The following DGKH variants were observed in gnomAD, a reference collection of about 807,000 sequenced individuals.
The protein encoded by DGKH is DAG kinase eta.
Under a neutral mutation model 159.3 loss-of-function variants are expected in DGKH, and 90 were observed. The ratio of observed to expected loss-of-function variants is 0.57; its 90% CI spans 0.48 to 0.67. The LOEUF is 0.67. Ranked by LOEUF, DGKH falls within the 30% of genes least tolerant of loss-of-function variation. DGKH has a pLI of 0.00. For synonymous variants in DGKH, 536 were observed against 553.8 expected (o/e 0.97, Z 0.45); for missense variants, 1,181 against 1,506.1 (o/e 0.78, Z 3.57).
chr13:42,218,036 A>AATCATC (rs374568018), intron 26 of DGKH, among the ~76,000 whole-genome samples: 5 of 151,838 alleles, frequency 3.3e-5, no homozygotes, highest in Admixed American at 1.3e-4. Flanking sequence ...CTCTGTCTCA[A>AATCATC]ATCATCATCA....
chr13:42,116,592 GC>G (rs1954973386), intron 1 of DGKH, among the ~76,000 whole-genome samples: 1 of 152,152 alleles, frequency 6.6e-6, no homozygotes, highest in Non-Finnish European at 1.5e-5. Flanking sequence ...GATAAATCAG[GC>G]AGTGCCTGAT....
intron 24 of DGKH, among the ~76,000 whole-genome samples, 162 bp from the exon 25 acceptor site, chr13:42,214,345 G>C (rs906220754): frequency 6.6e-6 from 1 of 151,960 alleles, no homozygotes; most frequent in Admixed American, 6.6e-5. Flanking sequence ...TGGATTTATA[G>C]ATCTACCTGT....
At chr13:42,116,499 A>G (rs531571341) in intron 1 of DGKH, among the ~76,000 whole-genome samples, 1 of 152,364 alleles carries the variant, frequency 6.6e-6, no homozygotes, top group South Asian at 2.1e-4. Flanking sequence ...AAAGACATGC[A>G]TCCTCACTGA....
chr13:42,097,441 A>T (rs1288277984), intron 1 of DGKH, among the ~76,000 whole-genome samples: 1 of 152,172 alleles, frequency 6.6e-6, no homozygotes, highest in Non-Finnish European at 1.5e-5. Flanking sequence ...TCACTGTTTA[A>T]TCAAACTAGT....
chr13:42,162,067 C>A (rs923535985), intron 7 of DGKH, among the ~76,000 whole-genome samples: 7 of 152,126 alleles, frequency 4.6e-5, no homozygotes, highest in Admixed American at 3.9e-4. Flanking sequence ...GTGGCAAACT[C>A]AAATTTCACC....
intron 1 of DGKH, among the ~76,000 whole-genome samples, chr13:42,089,461 C>G (rs1954372376): frequency 6.6e-6 from 1 of 152,178 alleles, no homozygotes; most frequent in South Asian, 2.1e-4. Flanking sequence ...TTCTGGAGGT[C>G]TGAAGTCCAG....
chr13:42,253,369 C>G (rs1404549425), intron 30 of DGKH, among the ~76,000 whole-genome samples: 1 of 152,176 alleles, frequency 6.6e-6, no homozygotes, highest in Non-Finnish European at 1.5e-5. Context: ...GAAGCAAAAC[C>G]TCATCAGACA....
chr13:42,237,998 G>A lies in DGKH; in HGVS notation c.*8810G>A, dbSNP rs1191350474. The A allele has an allele frequency of 6.6e-6, 1 of 152,170 alleles. No individual in the cohort carries two copies. The highest frequency in any genetic ancestry group is 6.5e-5 in the Admixed American group (1 of 15,282). 9.4% of individuals were successfully genotyped at this position (152,170 alleles called of 1,614,324 possible). Reference sequence around the variant, plus strand: ...TTGAAATTCACAATACCTAGAGATGGGAACATGGTTTAGGTTTATCCAGTT... The same window carrying A: ...TTGAAATTCACAATACCTAGAGATGAGAACATGGTTTAGGTTTATCCAGTT... On this transcript the variant is annotated 3_prime_UTR_variant, in exon 30 of 30. Transcript: ENST00000337343.
rs770395706 is a variant in DGKH at position 42,241,279 on chromosome 13, A to T, written c.*12091A>T. 2 of 152,184 alleles carry T rather than the reference A, an allele frequency of 1.3e-5. No homozygotes were observed. The highest frequency in any genetic ancestry group is 2.9e-5 in the Non-Finnish European group (2 of 68,034). 9.4% of individuals were successfully genotyped at this position (152,184 alleles called of 1,614,324 possible). On this transcript the variant is annotated 3_prime_UTR_variant, in exon 30 of 30. Coordinates refer to ENST00000337343, the MANE Select transcript of DGKH (RefSeq NM_178009.5). ...TCTGGTAGAGTCCAAGTTTGTTTTC[A>T]CAGTTATTTTTCCACAGTCTGTTTA...
At chr13:42,174,442 A>G (rs1404809586) in intron 12 of DGKH, among the ~76,000 whole-genome samples, 5 of 152,152 alleles carry the variant, frequency 3.3e-5, no homozygotes, top group Non-Finnish European at 7.4e-5. Flanking sequence ...TAAATGATGT[A>G]ACAGATGTGT....
chr13:42,137,472 A>G (rs1955424306), intron 3 of DGKH, among the ~76,000 whole-genome samples: 1 of 152,214 alleles, frequency 6.6e-6, no homozygotes. Context: ...ACATCTAATA[A>G]TATAATGACT....
chr13:42,192,466 A>G (rs552479962), intron 16 of DGKH, among the ~76,000 whole-genome samples: 1 of 152,218 alleles, frequency 6.6e-6, no homozygotes, highest in Admixed American at 6.5e-5. Flanking sequence ...GTTTATGGTT[A>G]GTTTAAGGAG....
chr13:42,053,953 T>G (rs1224890704), intron 1 of DGKH, among the ~76,000 whole-genome samples: 2 of 152,192 alleles, frequency 1.3e-5, no homozygotes, highest in South Asian at 4.1e-4. Flanking sequence ...GTAAGGATAA[T>G]GATCACATTC....
intron 1 of DGKH, among the ~76,000 whole-genome samples, chr13:42,087,236 C>T (rs1954326084): frequency 6.6e-6 from 1 of 152,032 alleles, no homozygotes; most frequent in African/African-American, 2.4e-5. Flanking sequence ...GACAGGTTAG[C>T]CTTAGAGTAA....
chr13:42,193,159 A>G (rs190502400), intron 16 of DGKH, among the ~76,000 whole-genome samples: 6 of 152,296 alleles, frequency 3.9e-5, no homozygotes, highest in Admixed American at 3.3e-4. Flanking sequence ...ATTACAGCAG[A>G]GATGACAATG....
chr13:42,090,401 G>T (rs76871949), intron 1 of DGKH, among the ~76,000 whole-genome samples: 4 of 151,936 alleles, frequency 2.6e-5, no homozygotes, highest in African/African-American at 9.7e-5. Context: ...AGAAAAATAC[G>T]TTCTAAATTT....
At chr13:42,104,118 A>T (rs924117269) in intron 1 of DGKH, among the ~76,000 whole-genome samples, 1 of 152,186 alleles carries the variant, frequency 6.6e-6, no homozygotes, top group African/African-American at 2.4e-5. Flanking sequence ...GTAAAGTTGT[A>T]ATAACAAATA....
At chr13:42,174,580 T>C (rs902857467) in intron 12 of DGKH, among the ~76,000 whole-genome samples, 44 of 152,248 alleles carry the variant, frequency 2.9e-4, no homozygotes, top group Non-Finnish European at 7.3e-5. Context: ...CATCTTCTAC[T>C]TTGGCCATTA....
At chr13:42,168,394 T>A (rs1346183477) in intron 9 of DGKH, 46 bp from the exon 10 acceptor site, 1 of 1,509,138 alleles carries the variant, frequency 6.6e-7, no homozygotes, top group Non-Finnish European at 9.1e-7. Context: ...TTGAGGAAAG[T>A]GATTTTTATT....
Sources: gnomAD v4.1 joint callset for allele counts (sites outside exome capture counted in the v4.1 genomes callset) on GRCh38, gnomAD v4.1.1 for gene constraint, MANE v1.5 for transcripts, NCBI Gene and HGNC (gene_info 2026-07-23, HGNC 2026-07-21) for gene names.